SPAG16: variants seen among roughly 807,000 people sequenced by gnomAD.
SPAG16 encodes the protein sperm-associated antigen 16 protein.
In SPAG16, 86 loss-of-function variants were observed where a neutral mutation model predicts 80.4. The observed-to-expected ratio is 1.07, with a 90% CI of 0.90 to 1.28. SPAG16 has a LOEUF of 1.28. Ranked by LOEUF, SPAG16 falls within the 50% of genes most tolerant of loss-of-function variation. SPAG16 has a pLI of 0.00. For missense variants in SPAG16, 870 were observed against 765.3 expected (o/e 1.14, Z -1.61); for synonymous variants, 294 against 265.9 (o/e 1.11, Z -1.03).
At chr2:214,093,814 T>C (rs558912495) in intron 13 of SPAG16, among the ~76,000 whole-genome samples, 1 of 152,216 alleles carries the variant, frequency 6.6e-6, no homozygotes, top group South Asian at 2.1e-4. Context: ...AAAGCATCCA[T>C]AAACAATATA....
intron 10 of SPAG16, among the ~76,000 whole-genome samples, chr2:213,563,831 T>C (rs2059673276): frequency 6.6e-6 from 1 of 152,242 alleles, no homozygotes; most frequent in Admixed American, 6.5e-5. Flanking sequence ...ACTAAACATA[T>C]TAATGTACAT....
chr2:214,089,997 A>G (rs2052063669), intron 13 of SPAG16, among the ~76,000 whole-genome samples: 1 of 152,042 alleles, frequency 6.6e-6, no homozygotes, highest in Admixed American at 6.6e-5. Context: ...CCATTCTAAT[A>G]CACTGTTTAC....
chr2:213,353,772 G>T (rs1559445457), intron 7 of SPAG16, among the ~76,000 whole-genome samples: 1 of 152,080 alleles, frequency 6.6e-6, no homozygotes, highest in Non-Finnish European at 1.5e-5. Flanking sequence ...GTTACAGGAT[G>T]CTCTATGTCC....
At chr2:214,144,142 A>G (rs1389663832) in intron 14 of SPAG16, among the ~76,000 whole-genome samples, 1 of 152,164 alleles carries the variant, frequency 6.6e-6, no homozygotes, top group Non-Finnish European at 1.5e-5. Context: ...ACAAGATCCT[A>G]TCTCAAAAAT....
At chr2:214,327,911 T>A (rs1259966066) in intron 15 of SPAG16, among the ~76,000 whole-genome samples, 1 of 152,204 alleles carries the variant, frequency 6.6e-6, no homozygotes, top group Non-Finnish European at 1.5e-5. Flanking sequence ...GGTTAATAAG[T>A]CACTTATCTA....
intron 10 of SPAG16, among the ~76,000 whole-genome samples, chr2:213,742,665 T>G (rs1244697292): frequency 1.3e-5 from 2 of 149,374 alleles, no homozygotes; most frequent in East Asian, 4.0e-4. Flanking sequence ...AATTCTCCAG[T>G]CTCAGCTTCT....
intron 10 of SPAG16, among the ~76,000 whole-genome samples, chr2:213,572,672 A>G (rs1305814232): frequency 6.6e-6 from 1 of 151,952 alleles, no homozygotes. Flanking sequence ...AAGTCTGCAG[A>G]GGTTACTGCT....
chr2:213,997,653 T>C (rs2046589242), intron 12 of SPAG16, among the ~76,000 whole-genome samples: 2 of 152,236 alleles, frequency 1.3e-5, no homozygotes, highest in African/African-American at 4.8e-5. Flanking sequence ...AGAAGAGGTG[T>C]CCAATCTTTT....
chr2:213,946,533 A>G (rs2079482197), intron 12 of SPAG16, among the ~76,000 whole-genome samples: 1 of 152,210 alleles, frequency 6.6e-6, no homozygotes, highest in Non-Finnish European at 1.5e-5. Context: ...GAATTCGTTT[A>G]AAACTAAGAA....
chr2:213,992,145 A>T (rs1166677995), intron 12 of SPAG16, among the ~76,000 whole-genome samples: 1 of 152,128 alleles, frequency 6.6e-6, no homozygotes, highest in African/African-American at 2.4e-5. Context: ...ATAAACACAA[A>T]GCCCCGTTTA....
intron 15 of SPAG16, among the ~76,000 whole-genome samples, chr2:214,284,920 AG>A (rs1296645142): frequency 6.6e-6 from 1 of 152,060 alleles, no homozygotes; most frequent in African/African-American, 2.4e-5. Context: ...GGCTATGATG[AG>A]TAGGACCACA....
intron 10 of SPAG16, among the ~76,000 whole-genome samples, chr2:213,522,186 G>T (rs554876210): frequency 8.7e-4 from 132 of 152,304 alleles, no homozygotes; most frequent in African/African-American, 3.1e-3. Context: ...TCCTGAATAG[G>T]AGGAGATGGG....
intron 14 of SPAG16, 44 bp from the exon 15 acceptor site, chr2:214,149,096 T>TATATATACAC (rs3043764): frequency 2.7e-6 from 2 of 750,304 alleles, no homozygotes; most frequent in East Asian, 1.1e-4. Flanking sequence ...TATATATATA[T>TATATATACAC]ACATACATAC....
chr2:213,437,034 C>T (rs1387828545), intron 9 of SPAG16, among the ~76,000 whole-genome samples: 1 of 152,054 alleles, frequency 6.6e-6, no homozygotes, highest in Non-Finnish European at 1.5e-5. Context: ...GCCTCAGCCT[C>T]CCAAGTAGCT....
intron 11 of SPAG16, among the ~76,000 whole-genome samples, chr2:213,871,658 G>T (rs2075951019): frequency 6.6e-6 from 1 of 152,094 alleles, no homozygotes; most frequent in African/African-American, 2.4e-5. Context: ...CTTCCAGAAT[G>T]TTAAAGATGT....
At chr2:213,424,934 GA>G (rs1289581930) in intron 9 of SPAG16, among the ~76,000 whole-genome samples, 2 of 152,148 alleles carry the variant, frequency 1.3e-5, no homozygotes. Context: ...GAGAGCCTTT[GA>G]AAAGAAGCAA....
intron 9 of SPAG16, among the ~76,000 whole-genome samples, chr2:213,390,582 AT>A (rs1479278747): frequency 6.6e-6 from 1 of 152,204 alleles, no homozygotes; most frequent in East Asian, 1.9e-4. Flanking sequence ...TTTGGGAAAT[AT>A]TCACATCAAC....
intron 10 of SPAG16, among the ~76,000 whole-genome samples, chr2:213,554,584 C>T (rs542262843): frequency 1.7e-4 from 25 of 151,452 alleles, no homozygotes; most frequent in South Asian, 6.3e-4. Context: ...TATGGAAGTT[C>T]GGTGAACTTC....
At chr2:214,256,620 C>T (rs1172867798) in intron 15 of SPAG16, among the ~76,000 whole-genome samples, 1 of 151,786 alleles carries the variant, frequency 6.6e-6, no homozygotes, top group East Asian at 1.9e-4. Flanking sequence ...ATTTCAGCAC[C>T]ATGTGTTTAA....
Sources: gnomAD v4.1 joint callset for allele counts (sites outside exome capture counted in the v4.1 genomes callset) on GRCh38, gnomAD v4.1.1 for gene constraint, MANE v1.5 for transcripts, NCBI Gene and HGNC (gene_info 2026-07-23, HGNC 2026-07-21) for gene names.